Variants in CEP104 observed in about 807,000 individuals in gnomAD.
The protein encoded by CEP104 is centrosomal protein 104, also known as centrosomal protein of 104 kDa.
A neutral mutation model predicts 113.3 loss-of-function variants in CEP104; 84 were observed. The ratio of observed to expected loss-of-function variants is 0.74; its 90% CI spans 0.62 to 0.89. The LOEUF is 0.89. CEP104 is among the 40% of genes least tolerant of loss of function. The probability of loss-of-function intolerance (pLI) is 0.00; values close to 1 mark genes in which losing one functional copy is unlikely to be tolerated. For missense variants in CEP104, 1,053 were observed against 1,156.6 expected (o/e 0.91, Z 1.30); for synonymous variants, 378 against 421.7 (o/e 0.90, Z 1.27).
chr1:3,828,239 G>T (rs1644131101), intron 15 of CEP104, among the ~76,000 whole-genome samples: 1 of 152,166 alleles, frequency 6.6e-6, no homozygotes, highest in Admixed American at 6.5e-5. Flanking sequence ...CCGTGTCCTC[G>T]TTTGTGTACT....
chr1:3,825,458 C>T (rs929618397), intron 18 of CEP104, among the ~76,000 whole-genome samples: 5 of 152,122 alleles, frequency 3.3e-5, no homozygotes. Flanking sequence ...CACATGGTTC[C>T]GTTTCTACAA....
chr1:3,826,363 G>A lies in CEP104; in HGVS notation c.2255+7C>T, dbSNP rs370470832. 60 of 1,613,158 alleles carry A rather than the reference G, an allele frequency of 3.7e-5. No individual in the cohort carries two copies. Among genetic ancestry groups the A allele is most frequent in the Middle Eastern group, 1.6e-4 (1 of 6,082 alleles). On this transcript the variant is annotated splice_region_variant and intron_variant, in intron 17 of 21. Transcript: ENST00000378230. ...TCGTACAATGGGTGGAAGACAGCGC[G>A]ACTTACTTATCTAGATAGTGCTCAT...
At chr1:3,850,392 A>T (rs1570852880) in intron 2 of CEP104, among the ~76,000 whole-genome samples, 2 of 152,324 alleles carry the variant, frequency 1.3e-5, no homozygotes, top group African/African-American at 4.8e-5. Flanking sequence ...ATAATTTGAC[A>T]ACCAAAAAAA....
In CEP104 at chr1:3,834,932, A is replaced by G. The variant is rs778957269; in HGVS notation, c.1478T>C (p.Val493Ala). Residue 493 changes from valine (V) to alanine (A), a missense_variant, in exon 11 of 22, where the codon GTG becomes GCG. Val to Ala is a moderately conservative substitution (Grantham distance 64). Coordinates refer to ENST00000378230, the MANE Select transcript of CEP104 (RefSeq NM_014704.4). The stretch of plus-strand genomic sequence containing the variant: ...CCAGCTGAGGGCACTCACGGAGGTC[A>G]CAATGTCCTTTATGGCTCTTCTAAC... ...FLVRRAIKDI[V>A]TSVFQASLKL... 3 of 1,589,098 alleles carry G rather than the reference A, an allele frequency of 1.9e-6. No individual in the cohort carries two copies. The highest frequency in any genetic ancestry group is 2.6e-6 in the Non-Finnish European group (3 of 1,166,826).
At chr1:3,849,034 A>C (rs1486538993) in intron 2 of CEP104, among the ~76,000 whole-genome samples, 1 of 152,170 alleles carries the variant, frequency 6.6e-6, no homozygotes, top group East Asian at 1.9e-4. Flanking sequence ...TACTCTTGGC[A>C]GCTAGTAAAT....
At chr1:3,816,505 C>T (rs1224283531) in intron 20 of CEP104, 135 bp from the exon 21 acceptor site, 17 of 635,522 alleles carry the variant, frequency 2.7e-5, no homozygotes, top group Non-Finnish European at 4.6e-5. Flanking sequence ...AGAACGGCTC[C>T]CTCACCTGGG....
In CEP104 at chr1:3,815,225, A is replaced by C. The variant is rs1643862460; in HGVS notation, c.*177T>G. 29 of 598,796 alleles carry C rather than the reference A, an allele frequency of 4.8e-5. No individual in the cohort carries two copies. The highest frequency in any genetic ancestry group is 4.3e-4 in the South Asian group (22 of 51,400). 37.1% of individuals were successfully genotyped at this position (598,796 alleles called of 1,614,324 possible). ...GCACGCAGGATCTTTGGTTAGCTGC[A>C]TCCATATCGTTTGCACGAGAGCTGA... is the stretch of plus-strand genomic sequence containing the variant. On this transcript the variant is annotated 3_prime_UTR_variant, in exon 22 of 22. Transcript: ENST00000378230.
chr1:3,837,269 C>T, intron 9 of CEP104, 23 bp downstream of exon 9: 1 of 1,576,868 alleles, frequency 6.3e-7, no homozygotes, highest in South Asian at 1.1e-5. Flanking sequence ...AATTGAACGC[C>T]AATCTGAAAC....
At chr1:3,851,192 G>T (rs1270794744) in intron 2 of CEP104, among the ~76,000 whole-genome samples, 1 of 152,174 alleles carries the variant, frequency 6.6e-6, no homozygotes, top group East Asian at 1.9e-4. Flanking sequence ...GGTGACAAAG[G>T]CGCTGTCTGG....
rs1489382430 is a variant in CEP104, at chr1:3,847,538, T to C, written c.363A>G (p.Val121=). The C allele has an allele frequency of 6.2e-7, 1 of 1,613,134 alleles. No individual in the cohort carries two copies. The highest frequency in any genetic ancestry group is 1.1e-5 in the South Asian group (1 of 90,894). ...RELKSVYVDA[V]GQFLKLIFHQ... ...GAAAAATCAGTTTAAGAAATTGTCC[T>C]ACTGCATCCACATAAACTGATTTTA... Residue 121 remains valine, a synonymous_variant, in exon 4 of 22, where the codon GTA becomes GTG. Coordinates refer to ENST00000378230, the MANE Select transcript of CEP104 (RefSeq NM_014704.4).
intron 11 of CEP104, among the ~76,000 whole-genome samples, 187 bp from the exon 12 acceptor site, chr1:3,834,222 TCTTA>T (rs1644268597): frequency 6.6e-6 from 1 of 152,216 alleles, no homozygotes; most frequent in Admixed American, 6.5e-5. Flanking sequence ...GGACATATGC[TCTTA>T]CTTCACTCTG....
At position 3,823,315 on chromosome 1, in the gene CEP104, G is replaced by A; in HGVS notation, c.2504-74C>T. On this transcript the variant is annotated intron_variant, in intron 19 of 21. Transcript: ENST00000378230. This position sits in a 1 kb window ranked among gnomAD's most constrained non-coding sequence, Gnocchi z 4.1. ...AAGACATGCTGCTGGCCTGCCCGCA[G>A]GTGCCCTTTAATTCACCAAGCCCTT... 1 of 1,609,016 alleles carries A rather than the reference G, an allele frequency of 6.2e-7. No homozygotes were observed. The highest frequency in any genetic ancestry group is 8.5e-7 in the Non-Finnish European group (1 of 1,175,406).
intron 20 of CEP104, among the ~76,000 whole-genome samples, chr1:3,822,058 G>A (rs555622175): frequency 1.4e-4 from 22 of 152,366 alleles, no homozygotes; most frequent in African/African-American, 3.8e-4. Flanking sequence ...TGCTGTCTGG[G>A]TTGGCTTCAA....
chr1:3,818,969 G>T (rs1049108997), intron 20 of CEP104, among the ~76,000 whole-genome samples: 1 of 152,194 alleles, frequency 6.6e-6, no homozygotes, highest in Admixed American at 6.6e-5. Context: ...TCTCCTGAGA[G>T]ATTCATAATT....
intron 20 of CEP104, among the ~76,000 whole-genome samples, chr1:3,822,484 G>C (rs1643996596): frequency 6.6e-6 from 1 of 152,238 alleles, no homozygotes; most frequent in Non-Finnish European, 1.5e-5. Flanking sequence ...TGGAGTGGAA[G>C]TGGCTGAGCC....
intron 12 of CEP104, 80 bp downstream of exon 12, chr1:3,833,782 T>C (rs374882639): frequency 9.8e-6 from 13 of 1,329,386 alleles, no homozygotes; most frequent in East Asian, 4.6e-5. Flanking sequence ...CAGAATCTTG[T>C]AAAAGGTGTT....
intron 6 of CEP104, 74 bp from the exon 7 acceptor site, chr1:3,839,850 G>A: frequency 8.2e-7 from 1 of 1,220,000 alleles, no homozygotes; most frequent in Non-Finnish European, 1.2e-6. Flanking sequence ...GCACGGTTGA[G>A]AAGATGCCCC....
Position 3,812,507 on chromosome 1 carries a change from T to C in CEP104, c.*2895A>G, listed in dbSNP as rs1044491683. The stretch of plus-strand genomic sequence containing the variant: ...AACAATGTATAACCCTGTAAAACTC[T>C]CAATAGCCACTAATCACTGGTAGGA... On this transcript the variant is annotated 3_prime_UTR_variant, in exon 22 of 22. Coordinates refer to ENST00000378230, the MANE Select transcript of CEP104 (RefSeq NM_014704.4). 19 of 152,306 alleles carry C rather than the reference T, an allele frequency of 1.2e-4. No homozygotes were observed. Among genetic ancestry groups the C allele is most frequent in the African/African-American group, 4.6e-4 (19 of 41,558 alleles). The allele number at this position is 152,306 out of a possible 1,614,324, so 9.4% of individuals were successfully genotyped here.
intron 20 of CEP104, among the ~76,000 whole-genome samples, chr1:3,821,620 T>A (rs1643973836): frequency 6.6e-6 from 1 of 152,032 alleles, no homozygotes; most frequent in Non-Finnish European, 1.5e-5. Flanking sequence ...GTCACACATA[T>A]CACGCGCCTC....
Sources: allele counts gnomAD v4.1 joint callset (sites outside exome capture counted in the v4.1 genomes callset), GRCh38; gene constraint gnomAD v4.1.1; non-coding constraint Gnocchi (gnomAD v3.1); transcripts MANE v1.5; gene names NCBI Gene and HGNC (gene_info 2026-07-23, HGNC 2026-07-21).